Variants in CACNA1C observed in about 807,000 individuals in gnomAD.
The protein encoded by CACNA1C is calcium voltage-gated channel subunit alpha1 C, also known as voltage-dependent L-type calcium channel subunit alpha-1C.
A neutral mutation model predicts 229.0 loss-of-function variants in CACNA1C; 30 were observed. That is an observed-to-expected ratio of 0.13 (90% CI 0.10 to 0.18). CACNA1C has a LOEUF of 0.18. Among genes scored for constraint, CACNA1C ranks in the 10% least tolerant of loss-of-function variants. The pLI, the probability that CACNA1C is intolerant of heterozygous loss-of-function variation, is 1.00. For synonymous variants in CACNA1C, 1,114 were observed against 1,132.5 expected, an observed-to-expected ratio of 0.98 and a Z score of 0.33; for missense variants, 1,658 against 2,845.0, an observed-to-expected ratio of 0.58 and a Z score of 9.49.
rs1269261303 is a variant in CACNA1C, at chr12:2,054,062, C to T, written c.49+451C>T. On this transcript the variant is annotated intron_variant, in intron 1 of 46. Coordinates refer to ENST00000399655, the MANE Select transcript of CACNA1C (RefSeq NM_000719.7). The surrounding 1 kb of genome is among the most constrained non-coding windows in gnomAD (Gnocchi z 5.5). ...GAGCGCGCGCGCGCGCACCCTGCGC[C>T]GGCAGAGCCCGGCGCCCACGGCCGC... Among the ~76,000 whole-genome samples, 2 of 147,284 alleles carry T rather than the reference C, an allele frequency of 1.4e-5. No homozygotes were observed. The highest frequency in any genetic ancestry group is 2.4e-5 in the African/African-American group (1 of 40,896).
intron 3 of CACNA1C, among the ~76,000 whole-genome samples, chr12:2,383,353 T>C (rs1351101667): frequency 3.3e-5 from 5 of 152,144 alleles, no homozygotes; most frequent in Non-Finnish European, 5.9e-5. Flanking sequence ...CTTACTGTCA[T>C]TGGAATAATC....
In CACNA1C at chr12:2,108,226, G is replaced by A. The variant is rs940315196; in HGVS notation, c.50-6998G>A. On this transcript the variant is annotated intron_variant, in intron 1 of 46. Transcript: ENST00000399655. This position sits in a 1 kb window ranked among gnomAD's most constrained non-coding sequence, Gnocchi z 5.3. The stretch of plus-strand genomic sequence containing the variant: ...AGGAAAGATAGTACAGGAATTTAGG[G>A]GCTTATACAATAATTGGAAATGCTG... Among the ~76,000 whole-genome samples the A allele has an allele frequency of 6.6e-6, 1 of 152,196 alleles. No homozygotes were observed. The highest frequency in any genetic ancestry group is 2.4e-5 in the African/African-American group (1 of 41,450).
chr12:2,605,822 C>A lies in CACNA1C; in HGVS notation c.3156+36C>A. 7.5e-7 allele frequency: 1 copy of A among 1,341,310 alleles called. No homozygotes were observed. The highest frequency in any genetic ancestry group is 1.1e-6 in the Non-Finnish European group (1 of 931,020). The allele number at this position is 1,341,310 out of a possible 1,614,324, so 83.1% of individuals were successfully genotyped here. A position where few individuals can be genotyped will look rare whatever the true frequency, so the allele number is the denominator to read the frequency against. ...GGCTCCGTTGTGGTCCTCCTACCTC[C>A]CCTCCCATCAGCATTCCTGGGGAAG... On this transcript the variant is annotated intron_variant, in intron 24 of 46. Coordinates refer to ENST00000399655, the MANE Select transcript of CACNA1C (RefSeq NM_000719.7). This position sits in a 1 kb window ranked among gnomAD's most constrained non-coding sequence, Gnocchi z 6.2.
chr12:2,312,068 A>G (rs1240111352), intron 3 of CACNA1C, among the ~76,000 whole-genome samples: 1 of 152,180 alleles, frequency 6.6e-6, no homozygotes, highest in Non-Finnish European at 1.5e-5. Context: ...CTTCCTGGGA[A>G]CAGGCCCACA....
intron 1 of CACNA1C, among the ~76,000 whole-genome samples, chr12:2,100,050 T>G (rs1022331466): frequency 6.6e-6 from 1 of 152,234 alleles, no homozygotes; most frequent in Non-Finnish European, 1.5e-5. Context: ...TCCATGCCCC[T>G]GAGTGCCAGG....
chr12:2,347,848 C>T lies in CACNA1C; in HGVS notation c.478-101128C>T, dbSNP rs565998563. ...CCCCACATTGGGAGCAGGTCCCAGA[C>T]TCAGGTCTTGCCCTTTCTCTGTCCC... On this transcript the variant is annotated intron_variant, in intron 3 of 46. Transcript: ENST00000399655. Among the ~76,000 whole-genome samples the T allele has an allele frequency of 2.2e-4, 33 of 152,370 alleles. No individual in the cohort carries two copies. The East Asian group carries it at 6.2e-3, about 28-fold the overall frequency.
chr12:2,442,030 C>G (rs900646626), intron 3 of CACNA1C, among the ~76,000 whole-genome samples: 1 of 152,124 alleles, frequency 6.6e-6, no homozygotes, highest in African/African-American at 2.4e-5. Context: ...AAAATAGACC[C>G]AGAGAAGTAG....
At chr12:2,373,928 C>T (rs765383774) in intron 3 of CACNA1C, among the ~76,000 whole-genome samples, 1 of 152,164 alleles carries the variant, frequency 6.6e-6, no homozygotes, top group African/African-American at 2.4e-5. Context: ...AGGGATATTC[C>T]GAATTCCTTT....
At chr12:2,551,770 C>T (rs376439996) in intron 10 of CACNA1C, among the ~76,000 whole-genome samples, 119 of 152,042 alleles carry the variant, frequency 7.8e-4, no homozygotes, top group African/African-American at 2.7e-3. Context: ...GAAGGAACTA[C>T]GGCATGTTAC....
At chr12:2,265,517 TCTC>T (rs1325637778) in intron 3 of CACNA1C, among the ~76,000 whole-genome samples, 2 of 152,130 alleles carry the variant, frequency 1.3e-5, no homozygotes, top group Non-Finnish European at 1.5e-5. Flanking sequence ...CCTATCTCAT[TCTC>T]CTCCCACACC....
chr12:2,461,611 A>G (rs1310973177), intron 5 of CACNA1C, among the ~76,000 whole-genome samples: 1 of 152,202 alleles, frequency 6.6e-6, no homozygotes, highest in Admixed American at 6.5e-5. Context: ...CTGAATAGAT[A>G]ATAAGTATCT....
chr12:2,360,155 C>A (rs112849846), intron 3 of CACNA1C, among the ~76,000 whole-genome samples: 1 of 101,562 alleles, frequency 9.8e-6, no homozygotes, highest in African/African-American at 4.6e-5. Flanking sequence ...AAACACACCC[C>A]ACCCCCCCCC....
In CACNA1C at chr12:2,653,998, C is replaced by T. The variant is rs1040248611; in HGVS notation, c.4140+98C>T. On this transcript the variant is annotated intron_variant, in intron 33 of 46. Transcript: ENST00000399655. This position sits in a 1 kb window ranked among gnomAD's most constrained non-coding sequence, Gnocchi z 4.7. ...TAACGCCTTCCTCCCTCCCTTCTCC[C>T]TTTCATTCCTGACTGTCCCTCTCCC... 4 of 957,766 alleles carry T rather than the reference C, an allele frequency of 4.2e-6. No homozygotes were observed. In the African/African-American group the frequency reaches 6.4e-5, roughly 15 times the overall value. 59.3% of individuals were successfully genotyped at this position (957,766 alleles called of 1,614,324 possible).
chr12:2,095,826 A>G (rs1221687598), intron 1 of CACNA1C, among the ~76,000 whole-genome samples: 1 of 152,168 alleles, frequency 6.6e-6, no homozygotes, highest in Non-Finnish European at 1.5e-5. Flanking sequence ...AGGAGTGGAG[A>G]GGTCAGTCTT....
At chr12:2,259,478 G>A (rs2079220715) in intron 3 of CACNA1C, among the ~76,000 whole-genome samples, 1 of 152,240 alleles carries the variant, frequency 6.6e-6, no homozygotes, top group South Asian at 2.1e-4. Flanking sequence ...CAGGAGACCA[G>A]AAGTAAGTTG....
chr12:1,993,270 C>T (rs2039934185), intron 1 of CACNA1C: 1 of 1,614,056 alleles, frequency 6.2e-7, no homozygotes. Flanking sequence ...TCACATCTGG[C>T]ATTTCTGTAG....
chr12:2,323,888 T>A (rs775163594), intron 3 of CACNA1C, among the ~76,000 whole-genome samples: 1 of 152,120 alleles, frequency 6.6e-6, no homozygotes, highest in Non-Finnish European at 1.5e-5. Context: ...TCCCCCTGGT[T>A]CCCAGCAGAG....
At chr12:2,309,566 A>T (rs183515168) in intron 3 of CACNA1C, among the ~76,000 whole-genome samples, 15 of 152,340 alleles carry the variant, frequency 9.8e-5, no homozygotes, top group African/African-American at 3.1e-4. Context: ...CACAGTGTAC[A>T]CATAAATCAT....
intron 8 of CACNA1C, among the ~76,000 whole-genome samples, chr12:2,508,440 A>G (rs2099776553): frequency 6.6e-6 from 1 of 152,220 alleles, no homozygotes; most frequent in Non-Finnish European, 1.5e-5. Flanking sequence ...ATGCGAAGCT[A>G]GGAGTTTGAG....
Sources: allele counts gnomAD v4.1 joint callset (sites outside exome capture counted in the v4.1 genomes callset), GRCh38; gene constraint gnomAD v4.1.1; non-coding constraint Gnocchi (gnomAD v3.1); transcripts MANE v1.5; gene names NCBI Gene and HGNC (gene_info 2026-07-23, HGNC 2026-07-21).